The following PCDH15 variants were observed in gnomAD, a reference collection of about 807,000 sequenced individuals.
PCDH15 encodes protocadherin related 15.
Under a neutral mutation model 178.5 loss-of-function variants are expected in PCDH15, and 129 were observed. The observed-to-expected ratio is 0.72, with a 90% CI of 0.63 to 0.84. The LOEUF (loss-of-function observed/expected upper bound fraction) is 0.84. PCDH15 is among the 40% of genes least tolerant of loss of function. The pLI, the probability that PCDH15 is intolerant of heterozygous loss-of-function variation, is 0.00. For synonymous variants in PCDH15, 800 were observed against 732.0 expected, an observed-to-expected ratio of 1.09 and a Z score of -1.50; for missense variants, 2,230 against 2,099.9, an observed-to-expected ratio of 1.06 and a Z score of -1.21.
intron 2 of PCDH15, among the ~76,000 whole-genome samples, chr10:55,337,582 G>T (rs1472878280): frequency 2.0e-5 from 3 of 152,180 alleles, no homozygotes; most frequent in African/African-American, 7.2e-5. Context: ...TATAAATTTT[G>T]TATCAGGCAT....
intron 2 of PCDH15, among the ~76,000 whole-genome samples, chr10:55,088,446 T>G (rs10825462): frequency 0.24 from 35,997 of 151,682 alleles, 4,889 homozygotes; most frequent in African/African-American, 0.36. Context: ...TTTTTTTGTA[T>G]TTTTTTTAGT....
At chr10:54,010,755 T>C (rs1323210700) in intron 20 of PCDH15, among the ~76,000 whole-genome samples, 3 of 152,124 alleles carry the variant, frequency 2.0e-5, no homozygotes, top group Non-Finnish European at 4.4e-5. Flanking sequence ...AGCCACAATA[T>C]GGACAGAAGC....
chr10:54,092,036 C>G (rs1183999702), intron 15 of PCDH15, among the ~76,000 whole-genome samples: 1 of 152,134 alleles, frequency 6.6e-6, no homozygotes, highest in African/African-American at 2.4e-5. Flanking sequence ...AGCCCCAAAT[C>G]TAGATCTCCT....
chr10:55,513,542 A>C (rs1840940311), intron 2 of PCDH15, among the ~76,000 whole-genome samples: 2 of 152,144 alleles, frequency 1.3e-5, no homozygotes, highest in East Asian at 3.9e-4. Flanking sequence ...AGGTGATAAA[A>C]CGGATAATGT....
At chr10:53,878,604 C>G (rs1247462724) in intron 26 of PCDH15, among the ~76,000 whole-genome samples, 1 of 150,116 alleles carries the variant, frequency 6.7e-6, no homozygotes, top group Non-Finnish European at 1.5e-5. Context: ...GTGTTCTTAT[C>G]TCTACTAGGG....
At chr10:55,493,956 G>A (rs1239370178) in intron 2 of PCDH15, among the ~76,000 whole-genome samples, 1 of 151,744 alleles carries the variant, frequency 6.6e-6, no homozygotes, top group African/African-American at 2.4e-5. Context: ...GTTTCTTCAT[G>A]ATTTTCATAT....
At chr10:54,755,274 T>C (rs1400294635) in intron 1 of PCDH15, among the ~76,000 whole-genome samples, 1 of 152,142 alleles carries the variant, frequency 6.6e-6, no homozygotes, top group Non-Finnish European at 1.5e-5. Context: ...GCAATGCTAA[T>C]ATTGGTTTAA....
intron 2 of PCDH15, among the ~76,000 whole-genome samples, chr10:55,562,333 A>G (rs1350626453): frequency 6.6e-6 from 1 of 152,018 alleles, no homozygotes; most frequent in South Asian, 2.1e-4. Flanking sequence ...GATGAATTCA[A>G]TTAGTTTTGA....
intron 15 of PCDH15, among the ~76,000 whole-genome samples, chr10:54,123,149 C>G (rs1478551737): frequency 6.6e-6 from 1 of 152,070 alleles, no homozygotes; most frequent in Non-Finnish European, 1.5e-5. Flanking sequence ...GCAATTGCAA[C>G]AAAAATGATC....
intron 3 of PCDH15, among the ~76,000 whole-genome samples, chr10:54,402,297 C>G (rs952471786): frequency 6.6e-6 from 1 of 151,838 alleles, no homozygotes; most frequent in African/African-American, 2.4e-5. Context: ...AAGAAGAAGG[C>G]AAGATTATAC....
At chr10:54,493,995 C>A (rs986833822) in intron 3 of PCDH15, among the ~76,000 whole-genome samples, 1 of 148,010 alleles carries the variant, frequency 6.8e-6, no homozygotes, top group Non-Finnish European at 1.5e-5. Flanking sequence ...GACAAAAAAC[C>A]AAACACTGCA....
chr10:55,286,523 A>C (rs1842874733), intron 1 of PCDH15, among the ~76,000 whole-genome samples: 1 of 150,584 alleles, frequency 6.6e-6, no homozygotes, highest in Non-Finnish European at 1.5e-5. Flanking sequence ...TGGTCTATGT[A>C]ATTTCTTCAT....
chr10:55,289,188 T>C (rs755296188), intron 1 of PCDH15, among the ~76,000 whole-genome samples: 1 of 152,044 alleles, frequency 6.6e-6, no homozygotes, highest in African/African-American at 2.4e-5. Context: ...TCCCCACATC[T>C]TGTGAGTCAC....
chr10:53,978,829 G>A lies in PCDH15; in HGVS notation c.2868+16820C>T, dbSNP rs144016003. ...ATCTAGAGCAGGGGCAAAATGCTGC[G>A]TCTCTATGCATAGCAAGTGTGACCT... On this transcript the variant is annotated intron_variant, in intron 21 of 37. Transcript: ENST00000644397. Among the ~76,000 whole-genome samples, 1,411 of 152,110 alleles carry A rather than the reference G, an allele frequency of 9.3e-3. 12 individuals carry two copies. Among genetic ancestry groups the A allele is most frequent in the Middle Eastern group, 0.017 (5 of 294 alleles).
At chr10:54,776,388 G>C (rs1175352783) in intron 1 of PCDH15, among the ~76,000 whole-genome samples, 2 of 151,620 alleles carry the variant, frequency 1.3e-5, no homozygotes, top group Non-Finnish European at 2.9e-5. Flanking sequence ...CTGGGATCTA[G>C]AAGCACTGTT....
intron 2 of PCDH15, among the ~76,000 whole-genome samples, chr10:55,066,683 A>G (rs10825455): frequency 0.067 from 10,121 of 150,318 alleles, 441 homozygotes; most frequent in African/African-American, 0.11. Context: ...TGGACTGTTA[A>G]TTTGATATGC....
At chr10:53,938,742 A>G (rs978710247) in intron 25 of PCDH15, 73 bp downstream of exon 25, 1 of 1,456,526 alleles carries the variant, frequency 6.9e-7, no homozygotes, top group African/African-American at 1.4e-5. Flanking sequence ...TATTTTAGAC[A>G]TAGGTATTTC....
chr10:55,218,498 G>A (rs1239218455), intron 1 of PCDH15, among the ~76,000 whole-genome samples: 1 of 151,960 alleles, frequency 6.6e-6, no homozygotes, highest in East Asian at 1.9e-4. Context: ...CCTTTGGTCT[G>A]GAGAACATCC....
intron 2 of PCDH15, among the ~76,000 whole-genome samples, chr10:55,535,925 G>A (rs1589119099): frequency 1.3e-5 from 2 of 152,052 alleles, no homozygotes; most frequent in Non-Finnish European, 2.9e-5. Flanking sequence ...CCTTGCTTAA[G>A]ATATTAAAAT....
Sources: gnomAD v4.1 joint callset for allele counts (sites outside exome capture counted in the v4.1 genomes callset) on GRCh38, gnomAD v4.1.1 for gene constraint, MANE v1.5 for transcripts, NCBI Gene and HGNC (gene_info 2026-07-23, HGNC 2026-07-21) for gene names.